The following USP45 variants were observed in gnomAD, a reference collection of about 807,000 sequenced individuals.
USP45 encodes ubiquitin carboxyl-terminal hydrolase 45.
In USP45, 89 loss-of-function variants were observed where a neutral mutation model predicts 95.8. The observed-to-expected ratio is 0.93, with a 90% confidence interval of 0.78 to 1.11. The LOEUF is 1.11. Among genes scored for constraint, USP45 ranks in the 50% least tolerant of loss-of-function variants. The pLI is 0.00. For synonymous variants in USP45, 281 were observed against 316.2 expected (o/e 0.89, Z 1.18); for missense variants, 898 against 942.5 (o/e 0.95, Z 0.62).
In USP45 at chr6:99,443,606, C is replaced by A. The variant is rs1276934779; in HGVS notation, c.2032G>T (p.Val678Phe). ...AGGTGGAGAATTAGGACAGCTGGAA[C>A]AGCAGAAATGAGCAATTGCTTCCTG... is the stretch of plus-strand genomic sequence containing the variant. ...NARKQLLISA[V>F]PAVLILHLKR... Residue 678 changes from valine (V) to phenylalanine (F), a missense_variant, in exon 15 of 18, where the codon GTT (valine) becomes TTT (phenylalanine). By Grantham distance (50) the Val-to-Phe change is conservative. Transcript: ENST00000500704. 1 of 1,609,626 alleles carries A rather than the reference C, an allele frequency of 6.2e-7. No individual in the cohort carries two copies. Among genetic ancestry groups the A allele is most frequent in the South Asian group, 1.1e-5 (1 of 90,004 alleles).
chr6:99,510,403 A>C (rs12200278), intron 1 of USP45, among the ~76,000 whole-genome samples, 173 bp from the exon 2 acceptor site: 335 of 152,378 alleles, frequency 2.2e-3, no homozygotes, highest in Admixed American at 5.1e-3. Context: ...TTGTTAAATC[A>C]GTATACACAT....
intron 2 of USP45, among the ~76,000 whole-genome samples, chr6:99,509,476 TC>T (rs1314905313): frequency 2.6e-5 from 4 of 152,044 alleles, no homozygotes. Context: ...ATTAAAAATA[TC>T]CCTTTAAATG....
intron 7 of USP45, 43 bp from the exon 8 acceptor site, chr6:99,482,926 A>T (rs1562391691): frequency 1.4e-6 from 2 of 1,392,818 alleles, no homozygotes; most frequent in East Asian, 5.2e-5. Context: ...TGTACAATTT[A>T]AAAATAACAT....
chr6:99,437,194 G>A (rs1780651642), intron 17 of USP45, 52 bp downstream of exon 17: 4 of 1,535,480 alleles, frequency 2.6e-6, no homozygotes, highest in Admixed American at 2.1e-5. Flanking sequence ...CCCAGAAAAG[G>A]AAGCACATAT....
intron 16 of USP45, among the ~76,000 whole-genome samples, chr6:99,437,643 G>A (rs1780755966): frequency 6.6e-6 from 1 of 152,048 alleles, no homozygotes; most frequent in African/African-American, 2.4e-5. Flanking sequence ...CCCTATGCAG[G>A]GATGTTTCTT....
At chr6:99,447,458 C>T (rs559119054) in intron 13 of USP45, among the ~76,000 whole-genome samples, 2 of 152,230 alleles carry the variant, frequency 1.3e-5, no homozygotes, top group Non-Finnish European at 2.9e-5. Context: ...AGTTCCACTC[C>T]GCTGAATTTA....
intron 15 of USP45, among the ~76,000 whole-genome samples, chr6:99,441,173 A>C (rs57347585): frequency 2.0e-5 from 3 of 152,160 alleles, no homozygotes; most frequent in Admixed American, 1.3e-4. Context: ...TTTTGTGTAT[A>C]TCTATTTCCT....
chr6:99,515,196 C>A (rs1217990236), intron 1 of USP45, 196 bp downstream of exon 1: 6 of 152,344 alleles, frequency 3.9e-5, no homozygotes, highest in Admixed American at 6.5e-5. Context: ...CGCATGGACC[C>A]GGAGCCGGCA....
intron 13 of USP45, chr6:99,460,684 G>A (rs1489514432): frequency 8.0e-6 from 5 of 625,648 alleles, no homozygotes; most frequent in African/African-American, 4.0e-5. Context: ...TTGGTGACTG[G>A]TCTGATTGGT....
intron 10 of USP45, among the ~76,000 whole-genome samples, chr6:99,467,789 A>C (rs947542735): frequency 3.8e-4 from 58 of 152,094 alleles, no homozygotes; most frequent in Non-Finnish European, 5.9e-5. Flanking sequence ...ATTACAATAA[A>C]GTGCACAGTA....
intron 5 of USP45, among the ~76,000 whole-genome samples, chr6:99,500,043 T>A (rs1464029391): frequency 1.3e-5 from 2 of 152,344 alleles, no homozygotes; most frequent in Non-Finnish European, 2.9e-5. Flanking sequence ...GAGGCTTGCA[T>A]AAACAGATTA....
chr6:99,444,754 G>A (rs1043784971), intron 14 of USP45, among the ~76,000 whole-genome samples: 1 of 152,108 alleles, frequency 6.6e-6, no homozygotes, highest in Non-Finnish European at 1.5e-5. Context: ...CACACTAAAG[G>A]CTCCTGCCCA....
In USP45 at chr6:99,448,513, G is replaced by C. The variant is rs557114931; in HGVS notation, c.1309-2050C>G. On this transcript the variant is annotated intron_variant, in intron 13 of 17. Transcript: ENST00000500704. ...AGAAAAAAGAATAAAAAGAAACAAA[G>C]CCTCCAAGAAATATGGGAATATGTG... Among the ~76,000 whole-genome samples the C allele has an allele frequency of 3.9e-5, 6 of 152,236 alleles. No individual in the cohort carries two copies. The South Asian group carries it at 1.2e-3, about 32-fold the overall frequency.
intron 13 of USP45, among the ~76,000 whole-genome samples, chr6:99,455,917 G>A (rs1442927240): frequency 1.3e-5 from 2 of 149,046 alleles, no homozygotes; most frequent in Non-Finnish European, 3.0e-5. Context: ...GGTGGATCAT[G>A]AGGTCAGGAG....
At chr6:99,449,003 A>AC (rs1311416257) in intron 13 of USP45, among the ~76,000 whole-genome samples, 3 of 152,224 alleles carry the variant, frequency 2.0e-5, no homozygotes, top group African/African-American at 7.2e-5. Flanking sequence ...GACCTGCCCT[A>AC]CAAGAGCTCC....
intron 1 of USP45, among the ~76,000 whole-genome samples, chr6:99,512,569 C>G (rs916647320): frequency 6.6e-6 from 1 of 152,130 alleles, no homozygotes; most frequent in Non-Finnish European, 1.5e-5. Context: ...TAAGCAACAT[C>G]GCAATTTTCA....
Position 99,437,247 on chromosome 6 carries a change from A to G in USP45, c.2313T>C (p.Pro771=). 6.2e-7 allele frequency: 1 copy of G among 1,600,120 alleles called. No homozygotes were observed. The highest frequency in any genetic ancestry group is 8.5e-7 in the Non-Finnish European group (1 of 1,176,470). The change falls in exon 17 of 18, where the codon CCT becomes CCC. Residue 771 remains proline, a splice_region_variant and synonymous_variant. Coordinates refer to ENST00000500704, the MANE Select transcript of USP45 (RefSeq NM_001346022.3). ...TAAAATAAACTTAGGATGGCATACC[A>G]GGCACATTTTTCTTTTTAGTGTTAT... The part of the protein sequence containing the change: ...SEHNTKKKNV[P]GLKAADNESA...
chr6:99,504,530 T>C (rs905940154), intron 4 of USP45, among the ~76,000 whole-genome samples: 5 of 152,150 alleles, frequency 3.3e-5, no homozygotes, highest in South Asian at 2.1e-4. Context: ...CAGATTAGTA[T>C]AGTAGCAGAG....
Position 99,442,059 on chromosome 6 carries a change from T to C in USP45, c.2073+1506A>G, listed in dbSNP as rs548748159. Among the ~76,000 whole-genome samples the C allele has an allele frequency of 3.9e-5, 6 of 152,294 alleles. No individual in the cohort carries two copies. The South Asian group carries it at 1.0e-3, about 26-fold the overall frequency. ...AATGCCCAAACCCTGGGAATAAGAA[T>C]GTGGCTTTGCTGACATTACATTTAG... On this transcript the variant is annotated intron_variant, in intron 15 of 17. Coordinates refer to ENST00000500704, the MANE Select transcript of USP45 (RefSeq NM_001346022.3).
Sources: allele counts gnomAD v4.1 joint callset (sites outside exome capture counted in the v4.1 genomes callset), GRCh38; gene constraint gnomAD v4.1.1; transcripts MANE v1.5; gene names NCBI Gene and HGNC (gene_info 2026-07-23, HGNC 2026-07-21).